Variants in ZHX2 observed in about 807,000 individuals in gnomAD.
ZHX2 encodes zinc fingers and homeoboxes 2.
ZHX2 carries 6 observed loss-of-function variants against 21.9 expected under a neutral mutation model. The observed-to-expected ratio is 0.27, with a 90% confidence interval of 0.15 to 0.54. ZHX2 has a LOEUF of 0.54. Among genes scored for constraint, ZHX2 ranks in the 20% least tolerant of loss-of-function variants. ZHX2 has a pLI of 0.95. For synonymous variants in ZHX2, 434 were observed against 437.1 expected (o/e 0.99, Z 0.09); for missense variants, 908 against 1,090.7 (o/e 0.83, Z 2.36).
At chr8:122,827,626 AAG>A (rs1346474969) in intron 1 of ZHX2, among the ~76,000 whole-genome samples, 1 of 151,992 alleles carries the variant, frequency 6.6e-6, no homozygotes, top group Non-Finnish European at 1.5e-5. Context: ...AGGGGAAAAA[AAG>A]AGAATCTGAC....
At chr8:122,889,243 A>G (rs1351048104) in intron 2 of ZHX2, among the ~76,000 whole-genome samples, 1 of 152,176 alleles carries the variant, frequency 6.6e-6, no homozygotes, top group Admixed American at 6.5e-5. Flanking sequence ...ATATATACCC[A>G]GTAGTGGGAT....
intron 1 of ZHX2, among the ~76,000 whole-genome samples, chr8:122,801,435 C>T (rs1327293166): frequency 6.6e-6 from 1 of 152,042 alleles, no homozygotes; most frequent in Non-Finnish European, 1.5e-5. Flanking sequence ...GAGATGTTTT[C>T]CTTTCAGAAG....
At chr8:122,939,702 T>A (rs1030157314) in intron 2 of ZHX2, among the ~76,000 whole-genome samples, 3 of 152,134 alleles carry the variant, frequency 2.0e-5, no homozygotes, top group African/African-American at 7.2e-5. Flanking sequence ...AGTTGGGAAA[T>A]TCATATTGGA....
chr8:122,889,525 T>G (rs1563769814), intron 2 of ZHX2, among the ~76,000 whole-genome samples: 1 of 152,252 alleles, frequency 6.6e-6, no homozygotes, highest in African/African-American at 2.4e-5. Context: ...TATGAATATC[T>G]TCTTTTGTGA....
At chr8:122,944,486 T>G (rs558905865) in intron 2 of ZHX2, among the ~76,000 whole-genome samples, 2 of 152,290 alleles carry the variant, frequency 1.3e-5, no homozygotes, top group Non-Finnish European at 2.9e-5. Context: ...TTCTCCTTCT[T>G]GTATTTGCAA....
At chr8:122,816,661 G>A (rs1052724465) in intron 1 of ZHX2, 3 of 151,374 alleles carry the variant, frequency 2.0e-5, no homozygotes, top group African/African-American at 4.9e-5. Context: ...CCTACAAAAC[G>A]AAAGTGCCTA....
At chr8:122,791,831 C>T (rs1471264311) in intron 1 of ZHX2, among the ~76,000 whole-genome samples, 1 of 150,568 alleles carries the variant, frequency 6.6e-6, no homozygotes, top group Non-Finnish European at 1.5e-5. Context: ...TGCCACTGCA[C>T]TCCAGCCTGG....
intron 2 of ZHX2, among the ~76,000 whole-genome samples, chr8:122,939,917 C>T (rs1437207593): frequency 6.6e-6 from 1 of 152,116 alleles, no homozygotes; most frequent in Non-Finnish European, 1.5e-5. Flanking sequence ...TGCCAATCCC[C>T]TCACCACTCA....
At chr8:122,926,400 A>G (rs1481057276) in intron 2 of ZHX2, among the ~76,000 whole-genome samples, 2 of 152,190 alleles carry the variant, frequency 1.3e-5, no homozygotes, top group African/African-American at 2.4e-5. Flanking sequence ...ACTAGGTAGT[A>G]AACTCTCTGA....
chr8:122,865,060 C>G (rs1819255606), intron 2 of ZHX2, among the ~76,000 whole-genome samples: 1 of 151,758 alleles, frequency 6.6e-6, no homozygotes, highest in South Asian at 2.1e-4. Flanking sequence ...GTATATTCAG[C>G]TGAGCCCTGT....
At chr8:122,879,278 C>T (rs1323583577) in intron 2 of ZHX2, among the ~76,000 whole-genome samples, 2 of 152,224 alleles carry the variant, frequency 1.3e-5, no homozygotes, top group Non-Finnish European at 2.9e-5. Context: ...ACGATCTTGG[C>T]TCACTGCAAC....
chr8:122,937,692 G>T (rs7825631), intron 2 of ZHX2, among the ~76,000 whole-genome samples: 96,350 of 151,082 alleles, frequency 0.64, 31,655 homozygotes, highest in East Asian at 0.77. Flanking sequence ...CAATTCTCCC[G>T]CCTCAGCCTC....
chr8:122,971,611 CAAAAAAAA>C lies in ZHX2; in HGVS notation c.*5-1617_*5-1610del, dbSNP rs56331425. ...ACTCTCCTTGCTGTTGGCCCCTGTA[CAAAAAAAA>C]AAAAAAAAAAAAATTCCTTCTCAGG... On this transcript the variant is annotated intron_variant, in intron 3 of 3. Transcript: ENST00000314393. 8.7e-4 allele frequency among the ~76,000 whole-genome samples: 71 copies of C among 81,794 alleles called. 1 individual carries two copies. The South Asian group carries it at 0.033, about 38-fold the overall frequency. The allele number at this position is 81,794 out of a possible 152,430, so 53.7% of individuals were successfully genotyped here. A position where few individuals can be genotyped will look rare whatever the true frequency, so the allele number is the denominator to read the frequency against.
intron 2 of ZHX2, among the ~76,000 whole-genome samples, chr8:122,905,929 T>A (rs1820337147): frequency 6.6e-6 from 1 of 152,232 alleles, no homozygotes; most frequent in Non-Finnish European, 1.5e-5. Flanking sequence ...TCCTCCCTTT[T>A]TTATATCAAG....
At chr8:122,854,484 G>T (rs1818982531) in intron 1 of ZHX2, among the ~76,000 whole-genome samples, 1 of 152,182 alleles carries the variant, frequency 6.6e-6, no homozygotes, top group Non-Finnish European at 1.5e-5. Context: ...GGCCAGATCT[G>T]CAGCCCTCCA....
chr8:122,879,106 T>C (rs1819638378), intron 2 of ZHX2, among the ~76,000 whole-genome samples: 1 of 152,220 alleles, frequency 6.6e-6, no homozygotes, highest in Non-Finnish European at 1.5e-5. Context: ...GTTAGCCTCG[T>C]GCCTCTCGGC....
chr8:122,913,243 A>G (rs1052399408), intron 2 of ZHX2, among the ~76,000 whole-genome samples: 1 of 152,212 alleles, frequency 6.6e-6, no homozygotes, highest in African/African-American at 2.4e-5. Flanking sequence ...ATTCCATTGT[A>G]TGGGTAAGAC....
chr8:122,913,736 C>A (rs1191574092), intron 2 of ZHX2, among the ~76,000 whole-genome samples: 1 of 152,200 alleles, frequency 6.6e-6, no homozygotes, highest in African/African-American at 2.4e-5. Context: ...AAATATGACA[C>A]CCTCCTTGAC....
At chr8:122,788,059 C>T (rs1817434471) in intron 1 of ZHX2, among the ~76,000 whole-genome samples, 1 of 152,170 alleles carries the variant, frequency 6.6e-6, no homozygotes, top group South Asian at 2.1e-4. Context: ...ACAAAGCTCC[C>T]TACACAACCA....
Sources: gnomAD v4.1 joint callset for allele counts (sites outside exome capture counted in the v4.1 genomes callset) on GRCh38, gnomAD v4.1.1 for gene constraint, MANE v1.5 for transcripts, NCBI Gene and HGNC (gene_info 2026-07-23, HGNC 2026-07-21) for gene names.